Variants in NWD2 observed in about 807,000 individuals in gnomAD.
NWD2 encodes NACHT and WD repeat domain-containing protein 2.
A neutral mutation model predicts 132.7 loss-of-function variants in NWD2; 37 were observed. That is an observed-to-expected ratio of 0.28 (90% CI 0.21 to 0.37). The LOEUF is 0.37. NWD2 is among the 10% of genes least tolerant of loss of function. The pLI is 1.00. For synonymous variants in NWD2, 705 were observed against 803.0 expected (o/e 0.88, Z 2.06); for missense variants, 1,592 against 2,122.4 (o/e 0.75, Z 4.91).
chr4:37,447,318 G>GCCGGGCGCGGTGGCTCACGCCTGT lies in NWD2; in HGVS notation c.*101_*102insCCGGGCGCGGTGGCTCACGCCTGT. The GCCGGGCGCGGTGGCTCACGCCTGT allele has an allele frequency of 2.2e-6, 2 of 892,062 alleles. No homozygotes were observed. Among genetic ancestry groups the GCCGGGCGCGGTGGCTCACGCCTGT allele is most frequent in the Non-Finnish European group, 3.4e-6 (2 of 594,322 alleles). The allele number at this position is 892,062 out of a possible 1,614,324, so 55.3% of individuals were successfully genotyped here. ...TATTCATTTATTAAAAGGCAGGAGC[G>GCCGGGCGCGGTGGCTCACGCCTGT]ATGCTGGAATTCCAGTGTTTTATTA... On this transcript the variant is annotated 3_prime_UTR_variant, in exon 7 of 7. Coordinates refer to ENST00000309447, the MANE Select transcript of NWD2 (RefSeq NM_001144990.2).
At chr4:37,329,348 A>G (rs928689307) in intron 2 of NWD2, among the ~76,000 whole-genome samples, 2 of 152,180 alleles carry the variant, frequency 1.3e-5, no homozygotes, top group African/African-American at 4.8e-5. Flanking sequence ...AATGCATTTT[A>G]TTGAATAAAT....
chr4:37,383,113 A>G (rs1340887844), intron 3 of NWD2, among the ~76,000 whole-genome samples: 1 of 152,164 alleles, frequency 6.6e-6, no homozygotes, highest in Non-Finnish European at 1.5e-5. Flanking sequence ...GATTATTTGA[A>G]GCCTAAGGTG....
intron 1 of NWD2, among the ~76,000 whole-genome samples, chr4:37,308,915 C>T (rs1051398816): frequency 2.0e-5 from 3 of 152,214 alleles, no homozygotes; most frequent in Non-Finnish European, 4.4e-5. Context: ...TGTGCCAGTC[C>T]TTAGGCCCCT....
At chr4:37,280,727 G>A (rs1193290503) in intron 1 of NWD2, among the ~76,000 whole-genome samples, 4 of 152,048 alleles carry the variant, frequency 2.6e-5, no homozygotes, top group Admixed American at 6.6e-5. Flanking sequence ...AAATTGCAAG[G>A]GATAGTACAG....
intron 3 of NWD2, among the ~76,000 whole-genome samples, chr4:37,421,042 C>T (rs9991212): frequency 0.41 from 62,186 of 151,878 alleles, 12,988 homozygotes; most frequent in East Asian, 0.5. Flanking sequence ...CCTGAGTCCA[C>T]GCCATTCTCC....
At chr4:37,303,693 T>C (rs1332255244) in intron 1 of NWD2, among the ~76,000 whole-genome samples, 1 of 152,212 alleles carries the variant, frequency 6.6e-6, no homozygotes, top group East Asian at 1.9e-4. Flanking sequence ...TATTATTTTT[T>C]GTTACAATTA....
chr4:37,387,706 G>A (rs1232963691), intron 3 of NWD2, among the ~76,000 whole-genome samples: 16 of 122,120 alleles, frequency 1.3e-4, no homozygotes, highest in South Asian at 2.5e-4. Context: ...ACAGAGTCTC[G>A]CTCTGTCACC....
At chr4:37,345,006 TGCTTTCAA>T (rs1040334932) in intron 2 of NWD2, among the ~76,000 whole-genome samples, 7 of 152,212 alleles carry the variant, frequency 4.6e-5, no homozygotes, top group Non-Finnish European at 7.4e-5. Flanking sequence ...TTTTACTTAA[TGCTTTCAA>T]GGTTCATCCA....
intron 1 of NWD2, among the ~76,000 whole-genome samples, chr4:37,314,238 G>A (rs926327035): frequency 2.2e-4 from 34 of 152,166 alleles, no homozygotes; most frequent in African/African-American, 7.5e-4. Flanking sequence ...TGGATATATT[G>A]GTCGGTAGTT....
At chr4:37,338,268 C>CT (rs1166126032) in intron 2 of NWD2, among the ~76,000 whole-genome samples, 2 of 152,242 alleles carry the variant, frequency 1.3e-5, no homozygotes, top group Non-Finnish European at 2.9e-5. Flanking sequence ...ATTGGCAGTG[C>CT]TCCAAACCCA....
At chr4:37,285,356 G>C (rs1258880186) in intron 1 of NWD2, among the ~76,000 whole-genome samples, 1 of 152,024 alleles carries the variant, frequency 6.6e-6, no homozygotes. Flanking sequence ...AAACACTGCG[G>C]CTGCCAAAAT....
intron 3 of NWD2, among the ~76,000 whole-genome samples, chr4:37,374,218 C>G (rs1720298505): frequency 6.6e-6 from 1 of 152,184 alleles, no homozygotes; most frequent in Admixed American, 6.5e-5. Context: ...GCACCTCCTC[C>G]TCCTCTGTTG....
chr4:37,289,714 G>A (rs1656182), intron 1 of NWD2, among the ~76,000 whole-genome samples: 85,032 of 151,890 alleles, frequency 0.56, 23,953 homozygotes, highest in African/African-American at 0.57. Flanking sequence ...ATTTTTGTCA[G>A]ATGCCTATGT....
chr4:37,357,127 G>A (rs922497234), intron 3 of NWD2, among the ~76,000 whole-genome samples: 1 of 150,844 alleles, frequency 6.6e-6, no homozygotes, highest in African/African-American at 2.4e-5. Context: ...ATGGCAGGTG[G>A]TTGTGCAAAA....
At chr4:37,275,022 G>A (rs985914374) in intron 1 of NWD2, among the ~76,000 whole-genome samples, 1 of 152,122 alleles carries the variant, frequency 6.6e-6, no homozygotes, top group Non-Finnish European at 1.5e-5. Context: ...ACTGGCACAA[G>A]ACAGGGATGC....
chr4:37,402,267 C>G (rs183342884), intron 3 of NWD2, among the ~76,000 whole-genome samples: 2 of 152,328 alleles, frequency 1.3e-5, no homozygotes, highest in African/African-American at 2.4e-5. Context: ...TTCTCAGTCT[C>G]AGATATTCTT....
intron 1 of NWD2, among the ~76,000 whole-genome samples, chr4:37,253,604 A>G (rs535082121): frequency 2.0e-5 from 3 of 152,204 alleles, no homozygotes; most frequent in Non-Finnish European, 2.9e-5. Context: ...TATAAAGAAG[A>G]CAATGAGGTA....
In NWD2 at chr4:37,293,084, G is replaced by A. The variant is rs910494398; in HGVS notation, c.152-32852G>A. ...ATGTCCAGTCAATTGTAAACGGGCT[G>A]GTACTGGGACTAATGTTACCACTTT... On this transcript the variant is annotated intron_variant, in intron 1 of 6. Transcript: ENST00000309447. 5.3e-5 allele frequency among the ~76,000 whole-genome samples: 8 copies of A among 152,264 alleles called. No individual in the cohort carries two copies. The South Asian group carries it at 6.2e-4, about 12-fold the overall frequency.
At chr4:37,281,438 T>G (rs1577654380) in intron 1 of NWD2, among the ~76,000 whole-genome samples, 1 of 152,178 alleles carries the variant, frequency 6.6e-6, no homozygotes, top group East Asian at 1.9e-4. Flanking sequence ...ACCCTCATAG[T>G]CCTCATGGGA....
Sources: allele counts gnomAD v4.1 joint callset (sites outside exome capture counted in the v4.1 genomes callset), GRCh38; gene constraint gnomAD v4.1.1; transcripts MANE v1.5; gene names NCBI Gene and HGNC (gene_info 2026-07-23, HGNC 2026-07-21).